The following NEK10 variants were observed in gnomAD, a reference collection of about 807,000 sequenced individuals.
NEK10 encodes the protein NIMA related kinase 10, also known as serine/threonine-protein kinase Nek10.
Under a neutral mutation model 159.8 loss-of-function variants are expected in NEK10, and 122 were observed. The ratio of observed to expected loss-of-function variants is 0.76; its 90% CI spans 0.66 to 0.89. The LOEUF is 0.89. Among genes scored for constraint, NEK10 ranks in the 40% least tolerant of loss-of-function variants. The pLI is 0.00. For missense variants in NEK10, 1,342 were observed against 1,323.1 expected (o/e 1.01, Z -0.22); for synonymous variants, 466 against 457.1 (o/e 1.02, Z -0.25).
chr3:27,164,095 C>A (rs567185837), intron 29 of NEK10, among the ~76,000 whole-genome samples: 229 of 152,284 alleles, frequency 1.5e-3, no homozygotes, highest in Non-Finnish European at 2.3e-3. Flanking sequence ...ATTCTGAGCT[C>A]AAGTTTCCAG....
chr3:27,136,237 C>T (rs144156608), intron 31 of NEK10, among the ~76,000 whole-genome samples: 466 of 151,356 alleles, frequency 3.1e-3, no homozygotes, highest in African/African-American at 0.01. Context: ...CTCAGCCTCC[C>T]GAGTAGCTGG....
chr3:27,242,053 C>T (rs1303033708), intron 23 of NEK10, among the ~76,000 whole-genome samples: 2 of 152,156 alleles, frequency 1.3e-5, no homozygotes, highest in Non-Finnish European at 2.9e-5. Flanking sequence ...ATCAAGAAAA[C>T]ACTTCTACTT....
At chr3:27,345,139 G>A (rs774772538) in intron 4 of NEK10, among the ~76,000 whole-genome samples, 1 of 152,142 alleles carries the variant, frequency 6.6e-6, no homozygotes, top group Non-Finnish European at 1.5e-5. Context: ...GAACAAATAA[G>A]CTGGAATTCC....
intron 22 of NEK10, among the ~76,000 whole-genome samples, chr3:27,271,155 CTAT>C (rs1460694964): frequency 9.1e-6 from 1 of 110,048 alleles, no homozygotes. Context: ...TATCTTCTAT[CTAT>C]CTATCTATCT....
intron 23 of NEK10, among the ~76,000 whole-genome samples, chr3:27,220,445 G>A (rs944595309): frequency 3.3e-5 from 5 of 152,050 alleles, no homozygotes; most frequent in African/African-American, 1.2e-4. Context: ...CCTTTTTCAT[G>A]TTTAAAGACA....
chr3:27,274,656 C>G (rs1320825339), intron 22 of NEK10, among the ~76,000 whole-genome samples: 3 of 152,010 alleles, frequency 2.0e-5, no homozygotes, highest in African/African-American at 7.2e-5. Flanking sequence ...GGCATACACA[C>G]ACACACATGC....
intron 3 of NEK10, among the ~76,000 whole-genome samples, chr3:27,347,647 T>C (rs2047664351): frequency 6.6e-6 from 1 of 152,178 alleles, no homozygotes; most frequent in African/African-American, 2.4e-5. Flanking sequence ...AAATCCTTTT[T>C]TATCATATGC....
At chr3:27,331,262 A>AAACAAAAAACAC in intron 5 of NEK10, among the ~76,000 whole-genome samples, 1 of 110,082 alleles carries the variant, frequency 9.1e-6, no homozygotes, top group Non-Finnish European at 2.0e-5. Flanking sequence ...AAAAAAAAAA[A>AAACAAAAAACAC]ACACACAAAC....
At position 27,244,950 on chromosome 3, in the gene NEK10, C is replaced by T. The variant is rs1013074428; in HGVS notation, c.2090+11346G>A. ...AACTTTTCTGCTGTCTATTGGGCTA[C>T]CACACTTTTTCCAATGAAATCTGAA... On this transcript the variant is annotated intron_variant, in intron 23 of 35. Coordinates refer to ENST00000691995, the MANE Select transcript of NEK10 (RefSeq NM_001394966.1). Among the ~76,000 whole-genome samples, 5 of 152,154 alleles carry T rather than the reference C, an allele frequency of 3.3e-5. No homozygotes were observed. The South Asian group carries it at 6.2e-4, about 19-fold the overall frequency.
intron 19 of NEK10, among the ~76,000 whole-genome samples, chr3:27,289,740 A>G (rs2042868121): frequency 6.6e-6 from 1 of 152,230 alleles, no homozygotes; most frequent in Non-Finnish European, 1.5e-5. Context: ...CCATACAAAC[A>G]CATGAACAAA....
chr3:27,111,293 C>T lies in NEK10; in HGVS notation c.3327G>A (p.Lys1109=), dbSNP rs1939493255. Reference sequence around the variant, plus strand: ...ATTTTCATCTTTTGGTTGGGTGATTCTTGGTCCCCCATGGATAGGAATGAT... The same window carrying T: ...ATTTTCATCTTTTGGTTGGGTGATTTTTGGTCCCCCATGGATAGGAATGAT... ...NRYHSYPWGT[K]NHPTKR is the part of the protein sequence containing the mutation. Residue 1109 remains lysine (K), a synonymous_variant, in exon 36 of 36, where the codon AAG becomes AAA. Transcript: ENST00000691995. The T allele has an allele frequency of 8.1e-6, 13 of 1,608,980 alleles. No individual in the cohort carries two copies. Among genetic ancestry groups the T allele is most frequent in the Non-Finnish European group, 1.0e-5 (12 of 1,177,434 alleles).
chr3:27,200,816 CAT>C (rs1949978806), intron 25 of NEK10, among the ~76,000 whole-genome samples: 1 of 152,020 alleles, frequency 6.6e-6, no homozygotes, highest in Non-Finnish European at 1.5e-5. Flanking sequence ...CTGTGTCACA[CAT>C]ATATCTGAGG....
intron 24 of NEK10, 123 bp downstream of exon 24, chr3:27,202,305 G>C (rs1052629610): frequency 1.9e-5 from 16 of 822,474 alleles, no homozygotes; most frequent in East Asian, 2.9e-5. Context: ...GGATCATGCA[G>C]TTAATAAAAA....
chr3:27,274,664 T>G (rs972846094), intron 22 of NEK10, among the ~76,000 whole-genome samples: 7 of 151,710 alleles, frequency 4.6e-5, no homozygotes, highest in African/African-American at 9.7e-5. Flanking sequence ...CACACACACA[T>G]GCACACACAC....
intron 23 of NEK10, among the ~76,000 whole-genome samples, chr3:27,246,461 T>C (rs1212368275): frequency 1.3e-5 from 2 of 152,148 alleles, no homozygotes; most frequent in Admixed American, 1.3e-4. Context: ...GTTTATGGGG[T>C]TTATGAGATA....
intron 1 of NEK10, among the ~76,000 whole-genome samples, chr3:27,355,458 G>C (rs945925343): frequency 6.6e-6 from 1 of 151,890 alleles, no homozygotes; most frequent in Non-Finnish European, 1.5e-5. Context: ...TGCCCCTAGT[G>C]CTCCTCATCT....
intron 22 of NEK10, among the ~76,000 whole-genome samples, chr3:27,261,442 C>G (rs551120294): frequency 1.3e-5 from 2 of 152,298 alleles, no homozygotes; most frequent in Admixed American, 6.5e-5. Context: ...TCATTGGTTT[C>G]AAAGAACATC....
chr3:27,282,544 A>ATATATATATATATACATAACTGTGTTT (rs1559422276), intron 22 of NEK10, among the ~76,000 whole-genome samples: 1 of 92,618 alleles, frequency 1.1e-5, no homozygotes, highest in African/African-American at 4.1e-5. Context: ...TGTGTTATAT[A>ATATATATATATATACATAACTGTGTTT]TATATATATA....
At chr3:27,202,606 C>T in intron 23 of NEK10, 49 bp from the exon 24 acceptor site, 1 of 1,423,442 alleles carries the variant, frequency 7.0e-7, no homozygotes, top group Non-Finnish European at 9.3e-7. Flanking sequence ...GGAGAATCCG[C>T]TCAGAAAGAT....
Sources: gnomAD v4.1 joint callset for allele counts (sites outside exome capture counted in the v4.1 genomes callset) on GRCh38, gnomAD v4.1.1 for gene constraint, MANE v1.5 for transcripts, NCBI Gene and HGNC (gene_info 2026-07-23, HGNC 2026-07-21) for gene names.